The following SLCO3A1 variants were observed in gnomAD, a reference collection of about 807,000 sequenced individuals.
SLCO3A1 encodes solute carrier organic anion transporter family member 3A1.
SLCO3A1 carries 27 observed loss-of-function variants against 63.1 expected under a neutral mutation model. That is an observed-to-expected ratio of 0.43 (90% CI 0.32 to 0.59). SLCO3A1 has a LOEUF of 0.59. SLCO3A1 is among the 20% of genes least tolerant of loss of function. SLCO3A1 has a pLI of 0.09. For synonymous variants in SLCO3A1, 473 were observed against 409.9 expected, an observed-to-expected ratio of 1.15 and a Z score of -1.86; for missense variants, 773 against 945.8, an observed-to-expected ratio of 0.82 and a Z score of 2.40.
chr15:92,090,108 T>G (rs957017091), intron 2 of SLCO3A1, among the ~76,000 whole-genome samples: 3 of 152,232 alleles, frequency 2.0e-5, no homozygotes, highest in African/African-American at 7.2e-5. Context: ...GCACAGTTTC[T>G]GAAACCTTGG....
chr15:92,156,136 A>G (rs536488510), intron 9 of SLCO3A1, among the ~76,000 whole-genome samples: 9 of 152,286 alleles, frequency 5.9e-5, no homozygotes, highest in Middle Eastern at 3.4e-3. Context: ...ATCGTCTTGC[A>G]TATGCCAAAG....
rs1216371471 is a variant in SLCO3A1, at chr15:92,162,888, T to C, written c.1886T>C (p.Ile629Thr). The C allele has an allele frequency of 6.2e-7, 1 of 1,614,222 alleles. No homozygotes were observed. The highest frequency in any genetic ancestry group is 1.7e-5 in the Admixed American group (1 of 60,030). The change falls in exon 10 of 10, where the codon ATC (isoleucine) becomes ACC (threonine). Residue 629 changes from isoleucine (I) to threonine (T), a missense_variant. Ile to Thr is a moderately conservative substitution (Grantham distance 89, BLOSUM62 -1). Around this residue, in one of 3 missense-constraint regions of SLCO3A1, gnomAD observed 139 missense variants for 131.4 expected, o/e 1.06. Transcript: ENST00000318445. ...NVVYRYLYVSIAIALKSFAFI... is the reference protein window; with the variant it reads ...NVVYRYLYVSTAIALKSFAFI... The stretch of plus-strand genomic sequence containing the variant: ...GTCTACCGATACCTGTATGTCAGCA[T>C]CGCCATCGCGCTCAAATCCTTCGCC...
chr15:92,053,332 G>A (rs1442612936), intron 2 of SLCO3A1, among the ~76,000 whole-genome samples: 1 of 152,118 alleles, frequency 6.6e-6, no homozygotes, highest in Non-Finnish European at 1.5e-5. Context: ...AGAGTTCTGA[G>A]GATAGCACAG....
intron 2 of SLCO3A1, among the ~76,000 whole-genome samples, chr15:91,959,205 T>C (rs559907904): frequency 5.9e-5 from 9 of 151,628 alleles, no homozygotes; most frequent in Non-Finnish European, 8.8e-5. Flanking sequence ...CACTTATGAG[T>C]GGGAGGGAGC....
At chr15:92,039,190 A>G (rs1234625532) in intron 2 of SLCO3A1, among the ~76,000 whole-genome samples, 2 of 152,244 alleles carry the variant, frequency 1.3e-5, no homozygotes, top group South Asian at 2.1e-4. Context: ...CATGACAAAA[A>G]TGCCAAAAGC....
At chr15:91,915,162 T>C (rs1345698584) in intron 1 of SLCO3A1, among the ~76,000 whole-genome samples, 2 of 152,122 alleles carry the variant, frequency 1.3e-5, no homozygotes, top group African/African-American at 4.8e-5. Context: ...TCCCTTTGTG[T>C]TATTCTTAGG....
At chr15:91,963,129 A>G (rs575522276) in intron 2 of SLCO3A1, among the ~76,000 whole-genome samples, 97 of 152,190 alleles carry the variant, frequency 6.4e-4, no homozygotes, top group African/African-American at 2.2e-3. Context: ...CAGACCCCCA[A>G]TACACCTGTT....
intron 2 of SLCO3A1, among the ~76,000 whole-genome samples, chr15:91,966,146 A>G (rs1900652099): frequency 6.6e-6 from 1 of 152,164 alleles, no homozygotes; most frequent in Non-Finnish European, 1.5e-5. Flanking sequence ...GAGTCGAGAT[A>G]GGTTGAGAAA....
chr15:92,042,100 G>T (rs2046807067), intron 2 of SLCO3A1, among the ~76,000 whole-genome samples: 1 of 152,144 alleles, frequency 6.6e-6, no homozygotes, highest in South Asian at 2.1e-4. Context: ...GGCGCTCTCT[G>T]CATTCTTGCC....
In SLCO3A1 at chr15:91,900,294, C is replaced by G. The variant is rs1898118819; in HGVS notation, c.181-15699C>G. Among the ~76,000 whole-genome samples the G allele has an allele frequency of 6.6e-6, 1 of 152,150 alleles. No homozygotes were observed. The highest frequency in any genetic ancestry group is 1.9e-4 in the East Asian group (1 of 5,196). ...CAGTATCTGAGTGTTCCAGTTTCCT[C>G]AGATGGACGTGAATACTTTGTATTG... On this transcript the variant is annotated intron_variant, in intron 1 of 9. Coordinates refer to ENST00000318445, the MANE Select transcript of SLCO3A1 (RefSeq NM_013272.4). The surrounding 1 kb of genome is among the most constrained non-coding windows in gnomAD (Gnocchi z 4.3).
chr15:92,122,586 C>G (rs1027221106), intron 5 of SLCO3A1, among the ~76,000 whole-genome samples: 11 of 152,222 alleles, frequency 7.2e-5, no homozygotes, highest in Non-Finnish European at 7.3e-5. Flanking sequence ...TTGGAAAACT[C>G]TTTGGCTGTG....
At chr15:92,145,986 G>A (rs774673889) in intron 7 of SLCO3A1, among the ~76,000 whole-genome samples, 3 of 152,080 alleles carry the variant, frequency 2.0e-5, no homozygotes, top group Non-Finnish European at 2.9e-5. Context: ...TGTGGGGAGA[G>A]GGGGAGGACC....
chr15:91,984,494 G>A lies in SLCO3A1; in HGVS notation c.646+68036G>A, dbSNP rs1426174583. On this transcript the variant is annotated intron_variant, in intron 2 of 9. Transcript: ENST00000318445. ...TACATTCAGATAAGAGGTTCCAAATGTTTCTGCTTAAACCTCATCGGTAAA... is the reference window on the plus strand; with the variant it reads ...TACATTCAGATAAGAGGTTCCAAATATTTCTGCTTAAACCTCATCGGTAAA... Among the ~76,000 whole-genome samples, 3 of 152,112 alleles carry A rather than the reference G, an allele frequency of 2.0e-5. 1 individual carries two copies. Among genetic ancestry groups the A allele is most frequent in the African/African-American group, 7.2e-5 (3 of 41,396 alleles).
At chr15:91,980,079 C>T (rs2045965771) in intron 2 of SLCO3A1, among the ~76,000 whole-genome samples, 1 of 152,166 alleles carries the variant, frequency 6.6e-6, no homozygotes, top group Non-Finnish European at 1.5e-5. Flanking sequence ...TGGATTTGCA[C>T]ATTTCTTTCA....
intron 2 of SLCO3A1, among the ~76,000 whole-genome samples, chr15:92,078,152 G>A (rs972654294): frequency 3.9e-5 from 6 of 152,226 alleles, no homozygotes; most frequent in African/African-American, 1.4e-4. Flanking sequence ...CTGTGGAGCA[G>A]CAGAAACCGA....
At position 92,104,501 on chromosome 15, in the gene SLCO3A1, T is replaced by A. The variant is rs1322730437; in HGVS notation, c.968T>A (p.Leu323Gln). The change falls in exon 4 of 10, where the codon CTG (leucine) becomes CAG (glutamine). Residue 323 changes from leucine to glutamine, a missense_variant. Physicochemically the swap from Leu to Gln is moderately radical, Grantham distance 113. Transcript: ENST00000318445. ...KPSNGVLRHP[L>Q]EPDSSASCFQ... ...AGCAACGGGGTCCTGAGGCACCCCC[T>A]GGAGCCAGACAGCAGTGCCTCCTGT... The A allele has an allele frequency of 6.2e-7, 1 of 1,613,870 alleles. No individual in the cohort carries two copies. The highest frequency in any genetic ancestry group is 8.5e-7 in the Non-Finnish European group (1 of 1,180,022).
chr15:91,992,849 A>T (rs763141875), intron 2 of SLCO3A1, among the ~76,000 whole-genome samples: 8 of 152,184 alleles, frequency 5.3e-5, no homozygotes, highest in Non-Finnish European at 1.2e-4. Context: ...TGAACTGTCA[A>T]CATTATTGGA....
chr15:92,164,922 C>T lies in SLCO3A1; in HGVS notation c.*1787C>T. On this transcript the variant is annotated 3_prime_UTR_variant, in exon 10 of 10. Coordinates refer to ENST00000318445, the MANE Select transcript of SLCO3A1 (RefSeq NM_013272.4). ...CTTACTCCTCATGCTGCTTCAGTGA[C>T]CTTTGTTCATGTCACATTCCTGGCG... The T allele has an allele frequency of 1.0e-6, 1 of 985,324 alleles. No individual in the cohort carries two copies. Among genetic ancestry groups the T allele is most frequent in the Non-Finnish European group, 1.2e-6 (1 of 829,920 alleles). 61.0% of individuals were successfully genotyped at this position (985,324 alleles called of 1,614,324 possible).
chr15:92,103,633 CTGGTGTGGTCATT>C (rs2047632094), intron 3 of SLCO3A1, among the ~76,000 whole-genome samples: 1 of 152,038 alleles, frequency 6.6e-6, no homozygotes, highest in Non-Finnish European at 1.5e-5. Context: ...CATTTTATGT[CTGGTGTGGTCATT>C]TGATCTTCCC....
Sources: gnomAD v4.1 joint callset for allele counts (sites outside exome capture counted in the v4.1 genomes callset) on GRCh38, gnomAD v4.1.1 for gene constraint, gnomAD v4.1.1 regional missense constraint, Gnocchi (gnomAD v3.1) non-coding constraint, MANE v1.5 for transcripts, NCBI Gene and HGNC (gene_info 2026-07-23, HGNC 2026-07-21) for gene names.